ANAPC4: variants seen among roughly 807,000 people sequenced by gnomAD.
ANAPC4 encodes the protein anaphase promoting complex subunit 4, also known as anaphase-promoting complex subunit 4.
In ANAPC4, 63 loss-of-function variants were observed where a neutral mutation model predicts 119.8. The ratio of observed to expected loss-of-function variants is 0.53; its 90% CI spans 0.43 to 0.65. The LOEUF (loss-of-function observed/expected upper bound fraction) is 0.65. ANAPC4 is among the 30% of genes least tolerant of loss of function. The pLI, the probability that ANAPC4 is intolerant of heterozygous loss-of-function variation, is 0.00. For synonymous variants in ANAPC4, 283 were observed against 318.6 expected, an observed-to-expected ratio of 0.89 and a Z score of 1.19; for missense variants, 716 against 945.1, an observed-to-expected ratio of 0.76 and a Z score of 3.18.
chr4:25,403,153 G>A (rs896501644), intron 17 of ANAPC4, 127 bp downstream of exon 17: 1 of 633,296 alleles, frequency 1.6e-6, no homozygotes, highest in Admixed American at 3.9e-5. Flanking sequence ...AATGATCCCT[G>A]TTGTACCTTT....
chr4:25,383,029 A>C (rs1721828767), intron 3 of ANAPC4, among the ~76,000 whole-genome samples: 1 of 152,172 alleles, frequency 6.6e-6, no homozygotes, highest in African/African-American at 2.4e-5. Context: ...TACGTGAGAA[A>C]GTAGTAGATC....
intron 4 of ANAPC4, among the ~76,000 whole-genome samples, chr4:25,387,406 G>A (rs931662425): frequency 3.3e-5 from 5 of 152,220 alleles, no homozygotes; most frequent in African/African-American, 1.2e-4. Flanking sequence ...AGAATTGGAT[G>A]ACAAGGGTTT....
chr4:25,401,324 T>G (rs1171567069), intron 16 of ANAPC4, among the ~76,000 whole-genome samples: 1 of 152,174 alleles, frequency 6.6e-6, no homozygotes, highest in Admixed American at 6.5e-5. Flanking sequence ...CCAGAGTGTG[T>G]GGAGCTTTGC....
At chr4:25,411,389 A>G (rs1366709938) in intron 21 of ANAPC4, among the ~76,000 whole-genome samples, 10 of 152,206 alleles carry the variant, frequency 6.6e-5, no homozygotes, top group Admixed American at 6.5e-4. Flanking sequence ...TGAATAAGAA[A>G]GGCCTGATCT....
rs551094211 is a variant in ANAPC4 at position 25,385,738 on chromosome 4, T to A, written c.368+2345T>A. Among the ~76,000 whole-genome samples the A allele has an allele frequency of 1.1e-3, 172 of 152,300 alleles. 1 individual carries two copies. Among genetic ancestry groups the A allele is most frequent in the African/African-American group, 4.0e-3 (167 of 41,566 alleles). On this transcript the variant is annotated intron_variant, in intron 4 of 28. Transcript: ENST00000315368. Reference sequence around the variant, plus strand: ...TGCCTTCCTCTCTAAGCCTAATCATTTCTAGCTTTTGATTTAAAGTGAGAC... The same window carrying A: ...TGCCTTCCTCTCTAAGCCTAATCATATCTAGCTTTTGATTTAAAGTGAGAC...
chr4:25,394,389 T>A lies in ANAPC4; in HGVS notation c.941+15T>A. 6.4e-7 allele frequency: 1 copy of A among 1,556,988 alleles called. No homozygotes were observed. Among genetic ancestry groups the A allele is most frequent in the Non-Finnish European group, 8.6e-7 (1 of 1,158,988 alleles). On this transcript the variant is annotated intron_variant, in intron 12 of 28. Transcript: ENST00000315368. Reference sequence around the variant, plus strand: ...GGGAAAGCAAGGTAATAAACTCAGATTAGGTGCTCCTGTTTTTGCTTCTTT... The same window carrying A: ...GGGAAAGCAAGGTAATAAACTCAGAATAGGTGCTCCTGTTTTTGCTTCTTT...
chr4:25,409,452 A>G (rs2109140531), intron 20 of ANAPC4, among the ~76,000 whole-genome samples: 1 of 152,312 alleles, frequency 6.6e-6, no homozygotes, highest in Admixed American at 6.5e-5. Flanking sequence ...TGGAGGGCTT[A>G]ATTCTGCCAC....
At chr4:25,377,859 A>G (rs1217342132) in intron 2 of ANAPC4, among the ~76,000 whole-genome samples, 1 of 152,238 alleles carries the variant, frequency 6.6e-6, no homozygotes, top group Non-Finnish European at 1.5e-5. Context: ...TCATTGGTTT[A>G]TTAGTTAAAT....
At chr4:25,414,872 T>C (rs912514384) in intron 25 of ANAPC4, among the ~76,000 whole-genome samples, 172 bp downstream of exon 25, 1 of 152,178 alleles carries the variant, frequency 6.6e-6, no homozygotes, top group African/African-American at 2.4e-5. Flanking sequence ...TAGGAAGTTA[T>C]ATGATCTTGT....
chr4:25,403,013 G>A lies in ANAPC4; in HGVS notation c.1257G>A (p.Arg419=), dbSNP rs1455138834. Residue 419 remains arginine (R), a synonymous_variant, in exon 17 of 29, where the codon CGG becomes CGA. Coordinates refer to ENST00000315368, the MANE Select transcript of ANAPC4 (RefSeq NM_013367.3). ...SSMKNFKAFF[R]WLYVAMLRMT... is the part of the protein sequence containing the mutation. ...TGAAAAACTTCAAAGCATTTTTTCG[G>A]TGGCTTTATGTGGGTAAGTTAATTG... 3.7e-6 allele frequency: 6 copies of A among 1,601,870 alleles called. No homozygotes were observed. The highest frequency in any genetic ancestry group is 5.1e-6 in the Non-Finnish European group (6 of 1,172,258).
chr4:25,417,799 G>C, intron 28 of ANAPC4, 60 bp downstream of exon 28: 1 of 1,549,614 alleles, frequency 6.5e-7, no homozygotes, highest in South Asian at 1.3e-5. Context: ...TTGCTTCTTT[G>C]GAACCTTCAT....
At chr4:25,379,360 G>C (rs1361011964) in intron 2 of ANAPC4, among the ~76,000 whole-genome samples, 1 of 152,124 alleles carries the variant, frequency 6.6e-6, no homozygotes, top group Non-Finnish European at 1.5e-5. Context: ...ATGGCCTAGG[G>C]GTCTGTAGAG....
At chr4:25,380,273 G>T in intron 2 of ANAPC4, 101 bp from the exon 3 acceptor site, 2 of 710,296 alleles carry the variant, frequency 2.8e-6, no homozygotes, top group Non-Finnish European at 4.7e-6. Flanking sequence ...AAGTATATAT[G>T]AGAGATGGTC....
Position 25,417,722 on chromosome 4 carries a change from C to T in ANAPC4, c.2182C>T (p.Arg728Ter), listed in dbSNP as rs1170556411. 5 of 1,611,740 alleles carry T rather than the reference C, an allele frequency of 3.1e-6. No homozygotes were observed. The highest frequency in any genetic ancestry group is 3.4e-6 in the Non-Finnish European group (4 of 1,179,192). ...ACAGTATGTTGCTGGGAATGGTTTT[C>T]GAAAAGTGTCCTGTGTGGTAAGTGT... ...KAQYVAGNGF[R>*]KVSCVLSSNL... is the part of the protein sequence containing the mutation. The change falls in exon 28 of 29, where the codon CGA (arginine) becomes TGA (stop). Residue 728 changes from arginine (R) to a stop codon, truncating the protein, a stop_gained. Coordinates refer to ENST00000315368, the MANE Select transcript of ANAPC4 (RefSeq NM_013367.3). LOFTEE classifies it high-confidence loss of function.
intron 17 of ANAPC4, among the ~76,000 whole-genome samples, chr4:25,404,827 G>C (rs1294490855): frequency 6.6e-6 from 1 of 152,010 alleles, no homozygotes. Context: ...CTAGCACCTA[G>C]GGTATGCTCA....
chr4:25,389,684 A>G (rs1722235348), intron 7 of ANAPC4, among the ~76,000 whole-genome samples: 1 of 152,206 alleles, frequency 6.6e-6, no homozygotes, highest in African/African-American at 2.4e-5. Flanking sequence ...TGAAGTTTTA[A>G]TAATAATATG....
At chr4:25,390,720 G>T (rs1352374318) in intron 8 of ANAPC4, among the ~76,000 whole-genome samples, 191 bp from the exon 9 acceptor site, 1 of 152,174 alleles carries the variant, frequency 6.6e-6, no homozygotes, top group Non-Finnish European at 1.5e-5. Context: ...AGGGAACCAG[G>T]TTATTTTTGT....
intron 10 of ANAPC4, 125 bp downstream of exon 10, chr4:25,392,546 A>G: frequency 1.5e-6 from 1 of 670,644 alleles, no homozygotes; most frequent in Non-Finnish European, 2.6e-6. Flanking sequence ...CTGATAGATG[A>G]TCTTATAAGG....
At chr4:25,412,188 A>T (rs1723608201) in intron 21 of ANAPC4, among the ~76,000 whole-genome samples, 1 of 152,214 alleles carries the variant, frequency 6.6e-6, no homozygotes, top group Non-Finnish European at 1.5e-5. Flanking sequence ...GAAGTGCTAT[A>T]TCAGGCAGGG....
Sources: allele counts gnomAD v4.1 joint callset (sites outside exome capture counted in the v4.1 genomes callset), GRCh38; gene constraint gnomAD v4.1.1; transcripts MANE v1.5; gene names NCBI Gene and HGNC (gene_info 2026-07-23, HGNC 2026-07-21).